The following PMM2 variants were observed in gnomAD, a reference collection of about 807,000 sequenced individuals.
PMM2 encodes mannose-6-phosphate isomerase.
In PMM2, 35 loss-of-function variants were observed where a neutral mutation model predicts 33.2. The ratio of observed to expected loss-of-function variants is 1.06; its 90% confidence interval spans 0.81 to 1.40. The LOEUF (loss-of-function observed/expected upper bound fraction) is 1.40. Ranked by LOEUF, PMM2 falls within the 40% of genes most tolerant of loss-of-function variation. The pLI, the probability that PMM2 is intolerant of heterozygous loss-of-function variation, is 0.00. For missense variants in PMM2, 386 were observed against 306.0 expected (o/e 1.26, Z -1.95); for synonymous variants, 153 against 114.7 (o/e 1.33, Z -2.13).
At position 8,847,827 on chromosome 16, in the gene PMM2, G is replaced by T. The variant is rs773232556; in HGVS notation, c.*2G>T. On this transcript the variant is annotated 3_prime_UTR_variant, in exon 8 of 8. Transcript: ENST00000268261. ...ATCTGTGAACTGCTGTTCTCCTAAC[G>T]TGGGAGCGGGAGGGGCGGGGTCCCG... 4.4e-6 allele frequency: 7 copies of T among 1,608,656 alleles called. No homozygotes were observed. Among genetic ancestry groups the T allele is most frequent in the Non-Finnish European group, 6.0e-6 (7 of 1,175,962 alleles).
Position 8,817,327 on chromosome 16 carries a change from A to G in PMM2, c.639+4221A>G, listed in dbSNP as rs143481099. On this transcript the variant is annotated intron_variant, in intron 7 of 7. Coordinates refer to ENST00000268261, the MANE Select transcript of PMM2 (RefSeq NM_000303.3). ...TCACCGTCTGACTTCATGTCTTTAA[A>G]AAAATTAAGCTAATGAAATGACACC... 1.6e-3 allele frequency among the ~76,000 whole-genome samples: 242 copies of G among 152,358 alleles called. 1 individual carries two copies. Among genetic ancestry groups the G allele is most frequent in the African/African-American group, 5.1e-3 (210 of 41,584 alleles).
At chr16:8,828,382 G>A (rs1041556028) in intron 7 of PMM2, among the ~76,000 whole-genome samples, 10 of 152,086 alleles carry the variant, frequency 6.6e-5, no homozygotes, top group African/African-American at 2.2e-4. Flanking sequence ...CACCCATTCC[G>A]TAAGCTGGGA....
chr16:8,828,025 CTT>C (rs71153002), intron 7 of PMM2, among the ~76,000 whole-genome samples: 13,339 of 66,486 alleles, frequency 0.2, 985 homozygotes, highest in East Asian at 0.34. Context: ...CTGTAGAACT[CTT>C]TTTTTTTTTT....
At chr16:8,832,202 GAA>G (rs2060814282) in intron 7 of PMM2, 1 of 985,272 alleles carries the variant, frequency 1.0e-6, no homozygotes, top group Non-Finnish European at 1.2e-6. Context: ...GAGTCACAAA[GAA>G]AGAAGCAGAC....
At chr16:8,843,448 T>G (rs528290989) in intron 7 of PMM2, among the ~76,000 whole-genome samples, 1 of 152,230 alleles carries the variant, frequency 6.6e-6, no homozygotes, top group Admixed American at 6.5e-5. Flanking sequence ...CAGTCCGATT[T>G]CCAGTGGGGT....
chr16:8,820,348 C>CTTTTT (rs1451905873), intron 7 of PMM2, among the ~76,000 whole-genome samples: 5,505 of 130,518 alleles, frequency 0.042, 156 homozygotes, highest in Middle Eastern at 0.093. Flanking sequence ...GGACACAGTT[C>CTTTTT]TTCTTTTTTT....
chr16:8,821,458 C>T (rs541237139), intron 7 of PMM2, among the ~76,000 whole-genome samples: 14 of 152,336 alleles, frequency 9.2e-5, no homozygotes, highest in African/African-American at 3.4e-4. Context: ...GAGTGAGCAT[C>T]CCTGCCTGTG....
intron 7 of PMM2, chr16:8,832,832 CT>C: frequency 2.0e-6 from 2 of 985,432 alleles, no homozygotes; most frequent in South Asian, 9.4e-5. Context: ...TCTTCAGCGT[CT>C]TCTCTGATGG....
intron 7 of PMM2, among the ~76,000 whole-genome samples, chr16:8,827,674 G>T (rs530930038): frequency 7.5e-6 from 1 of 134,180 alleles, no homozygotes; most frequent in Admixed American, 8.2e-5. Context: ...GGGATTACAG[G>T]CATGAGCCAC....
intron 1 of PMM2, among the ~76,000 whole-genome samples, 174 bp from the exon 2 acceptor site, chr16:8,801,625 C>G (rs2060616847): frequency 6.6e-6 from 1 of 152,078 alleles, no homozygotes; most frequent in African/African-American, 2.4e-5. Flanking sequence ...TGAGCTATGA[C>G]CATGCCACTG....
In PMM2 at chr16:8,848,426, A is replaced by C. The variant is rs2060943683; in HGVS notation, c.*601A>C. The C allele has an allele frequency of 6.1e-6, 1 of 164,170 alleles. No homozygotes were observed. Among genetic ancestry groups the C allele is most frequent in the African/African-American group, 2.4e-5 (1 of 41,634 alleles). The allele number at this position is 164,170 out of a possible 1,614,324, so 10.2% of individuals were successfully genotyped here. ...CTGCGTTTTCCCGTGTTTGGGGCTG[A>C]GGCCTGCTGGACAGATGGCTGGCCA... On this transcript the variant is annotated 3_prime_UTR_variant, in exon 8 of 8. Coordinates refer to ENST00000268261, the MANE Select transcript of PMM2 (RefSeq NM_000303.3).
intron 7 of PMM2, among the ~76,000 whole-genome samples, chr16:8,840,290 T>C (rs902058152): frequency 1.3e-5 from 2 of 151,944 alleles, no homozygotes; most frequent in African/African-American, 2.4e-5. Context: ...GGAGGGTGCC[T>C]TGCCAGCAAA....
chr16:8,806,186 C>CA, intron 3 of PMM2, 130 bp from the exon 4 acceptor site: 1 of 718,020 alleles, frequency 1.4e-6, no homozygotes. Context: ...GACAGTGGGG[C>CA]ATGTCACCAT....
chr16:8,832,187 T>A, intron 7 of PMM2: 6 of 985,346 alleles, frequency 6.1e-6, no homozygotes, highest in Non-Finnish European at 7.2e-6. Context: ...CCCACCATGC[T>A]CTGAGAGTCA....
intron 7 of PMM2, among the ~76,000 whole-genome samples, chr16:8,827,801 TA>T (rs1419083032): frequency 3.6e-5 from 2 of 55,394 alleles, no homozygotes; most frequent in Non-Finnish European, 6.6e-5. Context: ...TATTTATACA[TA>T]TTTATATATT....
chr16:8,804,148 C>A (rs2060633432), intron 2 of PMM2, among the ~76,000 whole-genome samples: 1 of 147,452 alleles, frequency 6.8e-6, no homozygotes, highest in African/African-American at 2.5e-5. Context: ...AAGCAATTCT[C>A]CTGCCTCAGC....
chr16:8,847,852 G>A lies in PMM2; in HGVS notation c.*27G>A, dbSNP rs781696207. 1.6e-5 allele frequency: 25 copies of A among 1,560,176 alleles called. No individual in the cohort carries two copies. Among genetic ancestry groups the A allele is most frequent in the African/African-American group, 1.5e-4 (11 of 73,876 alleles). On this transcript the variant is annotated 3_prime_UTR_variant, in exon 8 of 8. Coordinates refer to ENST00000268261, the MANE Select transcript of PMM2 (RefSeq NM_000303.3). Reference sequence around the variant, plus strand: ...GTGGGAGCGGGAGGGGCGGGGTCCCGGCTGACAAGCCAGCATAGGGCATTC... The same window carrying A: ...GTGGGAGCGGGAGGGGCGGGGTCCCAGCTGACAAGCCAGCATAGGGCATTC...
chr16:8,815,478 G>A (rs1054307031), intron 7 of PMM2, among the ~76,000 whole-genome samples: 2 of 152,180 alleles, frequency 1.3e-5, no homozygotes, highest in South Asian at 4.1e-4. Flanking sequence ...AGATTCACCT[G>A]CCTTGGCCTC....
Position 8,828,460 on chromosome 16 carries a change from C to A in PMM2, c.639+15354C>A, listed in dbSNP as rs578103793. On this transcript the variant is annotated intron_variant, in intron 7 of 7. Transcript: ENST00000268261. ...ACTGAGCTAAAGCTGAAGGCTGTTACACTGGTCTTCCTGGGAATCCAGGAC... is the reference window on the plus strand; with the variant it reads ...ACTGAGCTAAAGCTGAAGGCTGTTAAACTGGTCTTCCTGGGAATCCAGGAC... 7.2e-5 allele frequency among the ~76,000 whole-genome samples: 11 copies of A among 152,282 alleles called. No homozygotes were observed. In the South Asian group the frequency reaches 1.9e-3, roughly 26 times the overall value.
Sources: allele counts gnomAD v4.1 joint callset (sites outside exome capture counted in the v4.1 genomes callset), GRCh38; gene constraint gnomAD v4.1.1; transcripts MANE v1.5; gene names NCBI Gene and HGNC (gene_info 2026-07-23, HGNC 2026-07-21).